PPM1B: variants seen among roughly 807,000 people sequenced by gnomAD.
PPM1B encodes the protein protein phosphatase, Mg2+/Mn2+ dependent 1B.
A neutral mutation model predicts 43.0 loss-of-function variants in PPM1B; 22 were observed. That is an observed-to-expected ratio of 0.51 (90% CI 0.37 to 0.73). The LOEUF is 0.73. Ranked by LOEUF, PPM1B falls within the 30% of genes least tolerant of loss-of-function variation. The pLI is 0.00. For missense variants in PPM1B, 632 were observed against 584.2 expected, an observed-to-expected ratio of 1.08 and a Z score of -0.84; for synonymous variants, 217 against 197.9, an observed-to-expected ratio of 1.10 and a Z score of -0.81.
intron 2 of PPM1B, among the ~76,000 whole-genome samples, chr2:44,204,331 C>G (rs1293997498): frequency 6.6e-6 from 1 of 152,068 alleles, no homozygotes; most frequent in Non-Finnish European, 1.5e-5. Flanking sequence ...GTTAAAAATT[C>G]ATGGAAAGCA....
At chr2:44,169,491 C>T (rs1333023252) in intron 1 of PPM1B, among the ~76,000 whole-genome samples, 1 of 152,238 alleles carries the variant, frequency 6.6e-6, no homozygotes, top group African/African-American at 2.4e-5. Flanking sequence ...GCCGCCTCCG[C>T]TGGGCTGAGG....
intron 1 of PPM1B, among the ~76,000 whole-genome samples, chr2:44,186,841 C>A (rs1424879133): frequency 6.6e-6 from 1 of 152,082 alleles, no homozygotes; most frequent in African/African-American, 2.4e-5. Flanking sequence ...GACTTTCTAG[C>A]TCTACTCTTA....
intron 1 of PPM1B, among the ~76,000 whole-genome samples, chr2:44,189,824 T>C (rs1283265438): frequency 6.6e-6 from 1 of 152,212 alleles, no homozygotes; most frequent in Non-Finnish European, 1.5e-5. Flanking sequence ...GCTTTTGATA[T>C]CTCTACCCAT....
Position 44,179,462 on chromosome 2 carries a change from CTG to C in PPM1B, c.-15+10192_-15+10193del, listed in dbSNP as rs1468663297. Among the ~76,000 whole-genome samples, 4 of 152,058 alleles carry C rather than the reference CTG, an allele frequency of 2.6e-5. No individual in the cohort carries two copies. The East Asian group carries it at 5.8e-4, about 22-fold the overall frequency. ...AAACAGCAAAGCTCTGTGTTCTTGT[CTG>C]TGTTTGATATTGAGAGTCTCTCTCT... On this transcript the variant is annotated intron_variant, in intron 1 of 5. Coordinates refer to ENST00000282412, the MANE Select transcript of PPM1B (RefSeq NM_002706.6).
intron 1 of PPM1B, among the ~76,000 whole-genome samples, chr2:44,182,487 C>A (rs1187896625): frequency 6.6e-6 from 1 of 152,104 alleles, no homozygotes; most frequent in African/African-American, 2.4e-5. Context: ...TCTCAAACTC[C>A]CCACCTCAGG....
At chr2:44,185,325 T>C (rs1668068278) in intron 1 of PPM1B, among the ~76,000 whole-genome samples, 1 of 152,196 alleles carries the variant, frequency 6.6e-6, no homozygotes, top group African/African-American at 2.4e-5. Flanking sequence ...TTAAAGTTGA[T>C]TAAGTGGTAA....
At chr2:44,223,437 G>C (rs1365497118) in intron 5 of PPM1B, among the ~76,000 whole-genome samples, 3 of 152,064 alleles carry the variant, frequency 2.0e-5, no homozygotes, top group Non-Finnish European at 1.5e-5. Flanking sequence ...ACAGTTTTTA[G>C]AACTATGTGA....
At chr2:44,194,916 T>G (rs1420984997) in intron 1 of PPM1B, among the ~76,000 whole-genome samples, 1 of 150,064 alleles carries the variant, frequency 6.7e-6, no homozygotes, top group Non-Finnish European at 1.5e-5. Context: ...TTTTTTTTTT[T>G]GAGACGGAAT....
At chr2:44,221,489 C>T (rs935072897) in intron 5 of PPM1B, among the ~76,000 whole-genome samples, 13 of 152,114 alleles carry the variant, frequency 8.5e-5, no homozygotes, top group African/African-American at 2.7e-4. Context: ...TGGATGATGT[C>T]GCCGGGAGCT....
chr2:44,183,540 G>A (rs1460127415), intron 1 of PPM1B, among the ~76,000 whole-genome samples: 1 of 152,144 alleles, frequency 6.6e-6, no homozygotes, highest in Non-Finnish European at 1.5e-5. Flanking sequence ...ACCAGAGGAA[G>A]CCAAAAGGCC....
chr2:44,242,386 T>C (rs1255752996), intron 5 of PPM1B, among the ~76,000 whole-genome samples: 1 of 152,128 alleles, frequency 6.6e-6, no homozygotes, highest in African/African-American at 2.4e-5. Flanking sequence ...AAAAGGAGCT[T>C]TTTATTTTCT....
At chr2:44,246,549 A>G (rs1436504861), downstream of PPM1B, among the ~76,000 whole-genome samples, 1 of 152,184 alleles carries the variant, frequency 6.6e-6, no homozygotes, top group Admixed American at 6.5e-5. Flanking sequence ...AAATTGACCA[A>G]TCTTTTACTC....
At chr2:44,202,140 A>G (rs2104133241) in intron 2 of PPM1B, 95 bp downstream of exon 2, 1 of 1,208,590 alleles carries the variant, frequency 8.3e-7, no homozygotes. Flanking sequence ...AACTTTTAAT[A>G]TTTTCACAGA....
At chr2:44,186,597 A>G (rs1025443751) in intron 1 of PPM1B, among the ~76,000 whole-genome samples, 1 of 151,906 alleles carries the variant, frequency 6.6e-6, no homozygotes, top group African/African-American at 2.4e-5. Flanking sequence ...CTGGTCTCAA[A>G]CTGCTGGACT....
chr2:44,177,714 G>A (rs991441974), intron 1 of PPM1B, among the ~76,000 whole-genome samples: 5 of 151,742 alleles, frequency 3.3e-5, no homozygotes, highest in African/African-American at 7.3e-5. Context: ...CACCGCGCCC[G>A]GCCTACATGT....
intron 5 of PPM1B, among the ~76,000 whole-genome samples, chr2:44,220,216 C>T (rs543874602): frequency 2.3e-4 from 35 of 151,656 alleles, no homozygotes. Context: ...CTCCCATTTC[C>T]TCAGGTGTTT....
Position 44,231,283 on chromosome 2 carries a change from G to A in PPM1B, c.*565G>A, listed in dbSNP as rs776320990. ...AGAAGTTGTGAGATATTGGATGTGTGGCTATTTTTCCTTTCTCTGTATTCT... is the reference window on the plus strand; with the variant it reads ...AGAAGTTGTGAGATATTGGATGTGTAGCTATTTTTCCTTTCTCTGTATTCT... On this transcript the variant is annotated 3_prime_UTR_variant, in exon 6 of 6. Coordinates refer to ENST00000282412, the MANE Select transcript of PPM1B (RefSeq NM_002706.6). 5 of 977,772 alleles carry A rather than the reference G, an allele frequency of 5.1e-6. No homozygotes were observed. The highest frequency in any genetic ancestry group is 6.1e-6 in the Non-Finnish European group (5 of 823,166). 60.6% of individuals were successfully genotyped at this position (977,772 alleles called of 1,614,324 possible). A position where few individuals can be genotyped will look rare whatever the true frequency, so the allele number is the denominator to read the frequency against.
downstream of PPM1B, chr2:44,233,395 T>G (rs1274424297): frequency 4.1e-6 from 4 of 982,876 alleles, no homozygotes; most frequent in African/African-American, 5.2e-5. Flanking sequence ...ACTTGAAGAT[T>G]TATTAGTTTA....
intron 1 of PPM1B, among the ~76,000 whole-genome samples, chr2:44,187,410 C>T (rs982460561): frequency 6.6e-6 from 1 of 152,168 alleles, no homozygotes; most frequent in East Asian, 1.9e-4. Flanking sequence ...TGAGATCCCA[C>T]TGTCATTTTT....
Sources: allele counts gnomAD v4.1 joint callset (sites outside exome capture counted in the v4.1 genomes callset), GRCh38; gene constraint gnomAD v4.1.1; transcripts MANE v1.5; gene names NCBI Gene and HGNC (gene_info 2026-07-23, HGNC 2026-07-21).